The following RASGRP1 variants were observed in gnomAD, a reference collection of about 807,000 sequenced individuals.
RASGRP1 encodes the protein RAS guanyl releasing protein 1.
A neutral mutation model predicts 95.1 loss-of-function variants in RASGRP1; 37 were observed. The observed-to-expected ratio is 0.39, with a 90% confidence interval of 0.30 to 0.51. RASGRP1 has a LOEUF of 0.51. RASGRP1 is among the 20% of genes least tolerant of loss of function. The probability of loss-of-function intolerance (pLI) is 0.80; values close to 1 mark genes in which losing one functional copy is unlikely to be tolerated. For missense variants in RASGRP1, 711 were observed against 965.4 expected, an observed-to-expected ratio of 0.74 and a Z score of 3.49; for synonymous variants, 325 against 353.4, an observed-to-expected ratio of 0.92 and a Z score of 0.90.
chr15:38,534,256 T>C (rs1277242782), intron 2 of RASGRP1: 2 of 152,242 alleles, frequency 1.3e-5, no homozygotes, highest in African/African-American at 2.4e-5. Context: ...CTTGAAGTGG[T>C]TGGTGCTCTA....
chr15:38,551,213 A>G (rs1893326143), intron 2 of RASGRP1, among the ~76,000 whole-genome samples: 2 of 152,312 alleles, frequency 1.3e-5, no homozygotes, highest in South Asian at 2.1e-4. Flanking sequence ...ACTCCATCCT[A>G]AGAATATTGA....
At chr15:38,549,959 C>G (rs1272834577) in intron 2 of RASGRP1, among the ~76,000 whole-genome samples, 2 of 152,006 alleles carry the variant, frequency 1.3e-5, no homozygotes, top group African/African-American at 4.8e-5. Context: ...ACTTAATATT[C>G]CCTTAGAAGG....
chr15:38,502,083 G>C (rs192925758), intron 12 of RASGRP1, among the ~76,000 whole-genome samples: 1 of 152,306 alleles, frequency 6.6e-6, no homozygotes, highest in East Asian at 1.9e-4. Flanking sequence ...TCGAACTCCT[G>C]AGCTCAGGTG....
intron 9 of RASGRP1, among the ~76,000 whole-genome samples, chr15:38,506,719 A>C (rs4502173): frequency 0.63 from 94,728 of 151,186 alleles, 29,847 homozygotes; most frequent in South Asian, 0.78. Flanking sequence ...TAGGAATAAT[A>C]TTATTCTTAA....
In RASGRP1 at chr15:38,541,870, G is replaced by A. The variant is rs143145438; in HGVS notation, c.221-15466C>T. On this transcript the variant is annotated intron_variant, in intron 2 of 16. Coordinates refer to ENST00000310803, the MANE Select transcript of RASGRP1 (RefSeq NM_005739.4). ...GCCTAGAGGGAGGTAAACACGGGCA[G>A]TTCAGAGGAAGGGGAAAGTCAGATT... 5.2e-3 allele frequency among the ~76,000 whole-genome samples: 787 copies of A among 152,296 alleles called. 9 individuals carry two copies. The highest frequency in any genetic ancestry group is 0.018 in the African/African-American group (750 of 41,548).
chr15:38,542,280 T>G (rs748116163), intron 2 of RASGRP1, among the ~76,000 whole-genome samples: 11 of 152,072 alleles, frequency 7.2e-5, no homozygotes, highest in Admixed American at 1.3e-4. Flanking sequence ...AACTAATTGA[T>G]CACAACCAGT....
intron 3 of RASGRP1, among the ~76,000 whole-genome samples, chr15:38,521,026 T>A (rs1377853778): frequency 6.6e-6 from 1 of 152,044 alleles, no homozygotes; most frequent in Non-Finnish European, 1.5e-5. Flanking sequence ...ACCCTACACA[T>A]CAACAAAGGT....
intron 6 of RASGRP1, among the ~76,000 whole-genome samples, chr15:38,513,687 C>A (rs2141117172): frequency 6.6e-6 from 1 of 152,320 alleles, no homozygotes; most frequent in South Asian, 2.1e-4. Context: ...GGAAATGTCC[C>A]TGAAGATCTA....
In RASGRP1 at chr15:38,518,336, A is replaced by G. The variant is rs185758137; in HGVS notation, c.477T>C (p.Ala159=). Residue 159 remains alanine, a synonymous_variant, in exon 5 of 17, where the codon GCT becomes GCC. Transcript: ENST00000310803. ...GGCGGCAATGTAACTCCTCACCCTT[A>G]GCTTTCACCAGTTCCTGAAACTCCT... is the stretch of plus-strand genomic sequence containing the variant. ...TMEEFQELVK[A]KGEELHCRLI... is the part of the protein sequence containing the mutation. 6.2e-7 allele frequency: 1 copy of G among 1,610,194 alleles called. No homozygotes were observed. The highest frequency in any genetic ancestry group is 2.2e-5 in the East Asian group (1 of 44,670).
chr15:38,551,820 T>C (rs1893350007), intron 2 of RASGRP1, among the ~76,000 whole-genome samples: 1 of 152,130 alleles, frequency 6.6e-6, no homozygotes. Context: ...AAGTGATAAA[T>C]AGGCAAAGGA....
chr15:38,563,635 A>G (rs977368345), intron 1 of RASGRP1, among the ~76,000 whole-genome samples: 5 of 152,106 alleles, frequency 3.3e-5, no homozygotes, highest in African/African-American at 1.2e-4. Context: ...TTCCCCTTAC[A>G]ATACTCAATT....
At chr15:38,501,407 G>T (rs1412963373) in intron 12 of RASGRP1, 120 bp from the exon 13 acceptor site, 3 of 1,174,692 alleles carry the variant, frequency 2.6e-6, no homozygotes, top group Non-Finnish European at 3.8e-6. Flanking sequence ...AATATGGTAT[G>T]TGCTACCTCA....
intron 3 of RASGRP1, among the ~76,000 whole-genome samples, chr15:38,523,622 T>C (rs2141135451): frequency 6.6e-6 from 1 of 152,290 alleles, no homozygotes; most frequent in Admixed American, 6.5e-5. Context: ...TCACATTCAC[T>C]CACCACTCAC....
chr15:38,495,318 G>C (rs2141078261), intron 15 of RASGRP1, among the ~76,000 whole-genome samples: 1 of 152,268 alleles, frequency 6.6e-6, no homozygotes, highest in East Asian at 1.9e-4. Flanking sequence ...AGAGGAAAAA[G>C]GTAAGTTACT....
At chr15:38,559,034 C>G (rs956162813) in intron 2 of RASGRP1, among the ~76,000 whole-genome samples, 1 of 152,092 alleles carries the variant, frequency 6.6e-6, no homozygotes, top group East Asian at 1.9e-4. Flanking sequence ...ACAGGAGGAA[C>G]AGGAAGCTGG....
At chr15:38,491,702 G>T (rs1595812917) in intron 16 of RASGRP1, among the ~76,000 whole-genome samples, 1 of 152,128 alleles carries the variant, frequency 6.6e-6, no homozygotes, top group South Asian at 2.1e-4. Flanking sequence ...TCATTGTAAG[G>T]ATTATACTTA....
At chr15:38,538,694 A>T (rs1892752936) in intron 2 of RASGRP1, among the ~76,000 whole-genome samples, 1 of 152,188 alleles carries the variant, frequency 6.6e-6, no homozygotes, top group African/African-American at 2.4e-5. Flanking sequence ...TGGCTCTGGG[A>T]TGGCCCTGAT....
chr15:38,511,414 C>CA (rs1891508399), intron 8 of RASGRP1, among the ~76,000 whole-genome samples, 190 bp downstream of exon 8: 1 of 152,282 alleles, frequency 6.6e-6, no homozygotes, highest in African/African-American at 2.4e-5. Context: ...CAGACAAAAT[C>CA]ACAGTTACTC....
At chr15:38,547,217 G>A (rs564311898) in intron 2 of RASGRP1, among the ~76,000 whole-genome samples, 7 of 152,050 alleles carry the variant, frequency 4.6e-5, no homozygotes, top group Non-Finnish European at 8.8e-5. Flanking sequence ...TTTTGACTTC[G>A]TAGCAGAGCC....
Sources: allele counts gnomAD v4.1 joint callset (sites outside exome capture counted in the v4.1 genomes callset), GRCh38; gene constraint gnomAD v4.1.1; transcripts MANE v1.5; gene names NCBI Gene and HGNC (gene_info 2026-07-23, HGNC 2026-07-21).